The following MAPK10 variants were observed in gnomAD, a reference collection of about 807,000 sequenced individuals.
MAPK10 encodes mitogen-activated protein kinase 10.
MAPK10 carries 25 observed loss-of-function variants against 59.3 expected under a neutral mutation model. That is an observed-to-expected ratio of 0.42 (90% CI 0.31 to 0.59). The LOEUF (loss-of-function observed/expected upper bound fraction) is 0.59, where lower values mean the gene tolerates loss of function less well. Among genes scored for constraint, MAPK10 ranks in the 20% least tolerant of loss-of-function variants. The probability of loss-of-function intolerance (pLI) is 0.15; values close to 1 mark genes in which losing one functional copy is unlikely to be tolerated. For synonymous variants in MAPK10, 190 were observed against 200.5 expected (o/e 0.95, Z 0.44); for missense variants, 351 against 568.9 (o/e 0.62, Z 3.90).
chr4:86,305,525 C>T (rs924158067), intron 2 of MAPK10, among the ~76,000 whole-genome samples: 5 of 151,782 alleles, frequency 3.3e-5, no homozygotes, highest in African/African-American at 1.2e-4. Flanking sequence ...GTTTTAATAA[C>T]AACAAAATCA....
chr4:86,288,987 A>G (rs1334431791), intron 2 of MAPK10, among the ~76,000 whole-genome samples: 1 of 152,112 alleles, frequency 6.6e-6, no homozygotes, highest in Non-Finnish European at 1.5e-5. Flanking sequence ...AAAGAATAAA[A>G]TAAATAAACA....
intron 1 of MAPK10, chr4:86,358,891 A>G (rs1735822674): frequency 6.6e-6 from 1 of 152,070 alleles, no homozygotes; most frequent in Non-Finnish European, 1.5e-5. Context: ...CTTGCCATGA[A>G]AAAAAGAAAG....
intron 1 of MAPK10, among the ~76,000 whole-genome samples, chr4:86,545,483 C>T (rs1565016715): frequency 1.3e-5 from 2 of 152,096 alleles, no homozygotes; most frequent in African/African-American, 2.4e-5. Context: ...GACGAAAAGA[C>T]CTCAGAAGAA....
chr4:86,552,525 GGAAGGAAGGAA>G (rs1759927695), intron 1 of MAPK10, among the ~76,000 whole-genome samples: 1 of 142,574 alleles, frequency 7.0e-6, no homozygotes, highest in Non-Finnish European at 1.5e-5. Context: ...AAGGAAGGAA[GGAAGGAAGGAA>G]GGAAGGAAGG....
chr4:86,367,652 T>G (rs920412697), intron 1 of MAPK10, among the ~76,000 whole-genome samples: 7 of 140,826 alleles, frequency 5.0e-5, no homozygotes, highest in Admixed American at 7.0e-5. Flanking sequence ...CAAGCATTTG[T>G]TTTTTTTTTT....
intron 2 of MAPK10, among the ~76,000 whole-genome samples, chr4:86,238,729 GT>G (rs1427638195): frequency 6.6e-6 from 1 of 152,186 alleles, no homozygotes; most frequent in Non-Finnish European, 1.5e-5. Flanking sequence ...TTGAGTATCA[GT>G]TCAAGAAGTT....
intron 3 of MAPK10, among the ~76,000 whole-genome samples, chr4:86,188,958 G>C (rs540753762): frequency 1.2e-4 from 18 of 152,280 alleles, no homozygotes; most frequent in Admixed American, 2.0e-4. Flanking sequence ...TCCAGTTTCA[G>C]TTTTCTGCAT....
chr4:86,590,636 A>C (rs1445794423), intron 1 of MAPK10, among the ~76,000 whole-genome samples: 2 of 152,060 alleles, frequency 1.3e-5, no homozygotes, highest in Non-Finnish European at 2.9e-5. Flanking sequence ...TTTTTAAAAA[A>C]TTAGCTGGGC....
At chr4:86,478,622 T>C (rs1439865019) in intron 1 of MAPK10, among the ~76,000 whole-genome samples, 1 of 152,212 alleles carries the variant, frequency 6.6e-6, no homozygotes, top group Non-Finnish European at 1.5e-5. Flanking sequence ...ACAATTACCA[T>C]TGTTCCTGGC....
At chr4:86,135,514 A>C (rs1193264094) in intron 4 of MAPK10, among the ~76,000 whole-genome samples, 2 of 152,186 alleles carry the variant, frequency 1.3e-5, no homozygotes, top group African/African-American at 4.8e-5. Context: ...CAGAAAGGAC[A>C]TCCACACCAA....
At chr4:86,329,360 T>C (rs1241938714) in intron 2 of MAPK10, among the ~76,000 whole-genome samples, 1 of 152,238 alleles carries the variant, frequency 6.6e-6, no homozygotes, top group African/African-American at 2.4e-5. Context: ...TGGTTTTTAA[T>C]TCACTGATCT....
intron 2 of MAPK10, among the ~76,000 whole-genome samples, chr4:86,242,035 T>TG (rs1221893296): frequency 6.6e-6 from 1 of 151,996 alleles, no homozygotes; most frequent in African/African-American, 2.4e-5. Context: ...TTTTTGTTGT[T>TG]GTTGGTGGTG....
At chr4:86,273,670 A>G (rs2094495349) in intron 2 of MAPK10, among the ~76,000 whole-genome samples, 1 of 151,928 alleles carries the variant, frequency 6.6e-6, no homozygotes, top group South Asian at 2.1e-4. Flanking sequence ...ACAATTTTTG[A>G]TTTGTCTACT....
At chr4:86,494,382 G>A (rs1754703450) in intron 1 of MAPK10, among the ~76,000 whole-genome samples, 1 of 152,196 alleles carries the variant, frequency 6.6e-6, no homozygotes, top group Admixed American at 6.5e-5. Flanking sequence ...TGGAACAGGA[G>A]GGGACTGGCG....
Position 86,270,386 on chromosome 4 carries a change from T to A in MAPK10, c.-6-75979A>T, listed in dbSNP as rs75166772. Among the ~76,000 whole-genome samples the A allele has an allele frequency of 1.1e-4, 17 of 152,138 alleles. No homozygotes were observed. In the East Asian group the frequency reaches 1.4e-3, roughly 12 times the overall value. Reference sequence around the variant, plus strand: ...GAAAAAAAATGTGTGCTATTTTTTTTAATTTCCTTCCCAAGTACAAAACAA... The same window carrying A: ...GAAAAAAAATGTGTGCTATTTTTTTAAATTTCCTTCCCAAGTACAAAACAA... On this transcript the variant is annotated intron_variant, in intron 2 of 13. Transcript: ENST00000641462.
chr4:86,066,610 C>A (rs546662880), intron 10 of MAPK10, among the ~76,000 whole-genome samples: 1 of 151,832 alleles, frequency 6.6e-6, no homozygotes, highest in Non-Finnish European at 1.5e-5. Context: ...ACTAAAAATA[C>A]AAAAATTAGC....
chr4:86,078,309 C>T (rs2049922967), intron 9 of MAPK10, among the ~76,000 whole-genome samples: 1 of 152,140 alleles, frequency 6.6e-6, no homozygotes, highest in Non-Finnish European at 1.5e-5. Context: ...ACTTGGGGGT[C>T]ATTCACCTGA....
chr4:86,183,954 G>T (rs2077527422), intron 3 of MAPK10, among the ~76,000 whole-genome samples: 1 of 152,134 alleles, frequency 6.6e-6, no homozygotes, highest in African/African-American at 2.4e-5. Context: ...AGAAGTGTCT[G>T]TTCATGTCCT....
chr4:86,588,080 C>T (rs1243665776), intron 1 of MAPK10, among the ~76,000 whole-genome samples: 1 of 152,160 alleles, frequency 6.6e-6, no homozygotes, highest in Admixed American at 6.6e-5. Flanking sequence ...CACAATCACA[C>T]ATACCTGGAA....
Sources: allele counts gnomAD v4.1 joint callset (sites outside exome capture counted in the v4.1 genomes callset), GRCh38; gene constraint gnomAD v4.1.1; transcripts MANE v1.5; gene names NCBI Gene and HGNC (gene_info 2026-07-23, HGNC 2026-07-21).